The following CSMD1 variants were observed in gnomAD, a reference collection of about 807,000 sequenced individuals.
CSMD1 encodes the protein CUB and Sushi multiple domains 1, also known as CUB and sushi domain-containing protein 1.
A neutral mutation model predicts 417.5 loss-of-function variants in CSMD1; 213 were observed. The ratio of observed to expected loss-of-function variants is 0.51; its 90% CI spans 0.46 to 0.57. The LOEUF (loss-of-function observed/expected upper bound fraction) is 0.57. Among genes scored for constraint, CSMD1 ranks in the 20% least tolerant of loss-of-function variants. The probability of loss-of-function intolerance (pLI) is 0.00; values close to 1 mark genes in which losing one functional copy is unlikely to be tolerated. For synonymous variants in CSMD1, 2,862 were observed against 1,736.8 expected (o/e 1.65, Z -16.11); for missense variants, 6,923 against 4,529.7 (o/e 1.53, Z -15.17).
chr8:4,225,505 T>TC (rs1453349644), intron 3 of CSMD1, among the ~76,000 whole-genome samples: 1 of 46,752 alleles, frequency 2.1e-5, no homozygotes, highest in East Asian at 3.5e-4. Flanking sequence ...ACTCATCACT[T>TC]TTTTTTTTTT....
chr8:3,502,146 C>T (rs147915888), intron 10 of CSMD1, among the ~76,000 whole-genome samples: 3,124 of 152,036 alleles, frequency 0.021, 101 homozygotes, highest in African/African-American at 0.072. Context: ...TGGCAGATCA[C>T]GAGGTCAGGA....
At chr8:4,141,762 C>T (rs563174630) in intron 3 of CSMD1, among the ~76,000 whole-genome samples, 1 of 150,994 alleles carries the variant, frequency 6.6e-6, no homozygotes, top group Admixed American at 6.6e-5. Context: ...CCCATGCCAT[C>T]GACAATACAC....
chr8:4,388,319 C>T (rs1000485333), intron 3 of CSMD1, among the ~76,000 whole-genome samples: 3 of 75,942 alleles, frequency 4.0e-5, no homozygotes, highest in African/African-American at 2.6e-4. Context: ...CACACACACA[C>T]AGACACACAC....
intron 2 of CSMD1, among the ~76,000 whole-genome samples, chr8:4,578,319 C>G (rs753154794): frequency 8.2e-6 from 1 of 122,438 alleles, no homozygotes; most frequent in African/African-American, 3.6e-5. Context: ...GCACCTGCCA[C>G]GACACCCGGC....
intron 7 of CSMD1, among the ~76,000 whole-genome samples, chr8:3,659,439 A>G (rs984126563): frequency 7.2e-5 from 11 of 152,186 alleles, no homozygotes; most frequent in Admixed American, 2.6e-4. Flanking sequence ...ATTATCTGAG[A>G]CACTACTTAG....
At chr8:4,011,518 C>G (rs1448223929) in intron 4 of CSMD1, among the ~76,000 whole-genome samples, 3 of 152,144 alleles carry the variant, frequency 2.0e-5, no homozygotes, top group Non-Finnish European at 4.4e-5. Flanking sequence ...GTTTCACCCT[C>G]CTGGGTTTCC....
chr8:3,149,948 T>C (rs1245525237), intron 40 of CSMD1, among the ~76,000 whole-genome samples: 1 of 152,188 alleles, frequency 6.6e-6, no homozygotes, highest in Non-Finnish European at 1.5e-5. Context: ...TTAAGAGCGC[T>C]AGTGCTGTGT....
chr8:4,183,050 G>A (rs1361923891), intron 3 of CSMD1, among the ~76,000 whole-genome samples: 2 of 152,138 alleles, frequency 1.3e-5, no homozygotes, highest in African/African-American at 2.4e-5. Context: ...TGTGTTATAT[G>A]CACAGATACC....
chr8:3,393,768 T>G (rs1021414898), intron 17 of CSMD1, among the ~76,000 whole-genome samples: 4 of 151,204 alleles, frequency 2.6e-5, no homozygotes, highest in African/African-American at 9.7e-5. Flanking sequence ...ATGTTCTCAC[T>G]CATAGGTGGG....
At chr8:3,080,647 G>C (rs904338159) in intron 49 of CSMD1, among the ~76,000 whole-genome samples, 3 of 152,130 alleles carry the variant, frequency 2.0e-5, no homozygotes, top group Non-Finnish European at 4.4e-5. Context: ...ATTCGGGATG[G>C]GTTTGGAGTG....
chr8:3,838,950 A>C (rs1235429730), intron 5 of CSMD1, among the ~76,000 whole-genome samples: 2 of 111,896 alleles, frequency 1.8e-5, no homozygotes, highest in Non-Finnish European at 3.4e-5. Context: ...TAAAAAATTA[A>C]TATCTATAAA....
At chr8:4,402,029 G>A (rs1187309589) in intron 3 of CSMD1, among the ~76,000 whole-genome samples, 1 of 152,026 alleles carries the variant, frequency 6.6e-6, no homozygotes, top group Non-Finnish European at 1.5e-5. Context: ...TATAATTCGT[G>A]GTGACTTCAC....
intron 5 of CSMD1, among the ~76,000 whole-genome samples, chr8:3,918,254 T>C (rs967840457): frequency 1.3e-5 from 2 of 152,082 alleles, no homozygotes; most frequent in African/African-American, 4.8e-5. Flanking sequence ...TTTGTTGTTG[T>C]TGTTGTTGTT....
chr8:3,634,730 A>G (rs934589498), intron 7 of CSMD1, among the ~76,000 whole-genome samples: 5 of 152,144 alleles, frequency 3.3e-5, no homozygotes, highest in African/African-American at 1.2e-4. Flanking sequence ...GCCTTTCTGG[A>G]TTGAGCCATG....
intron 3 of CSMD1, among the ~76,000 whole-genome samples, chr8:4,139,435 G>C (rs76019810): frequency 0.31 from 45,251 of 144,928 alleles, 8,423 homozygotes; most frequent in Non-Finnish European, 0.39. Context: ...AAGAACGAAG[G>C]AAGACTCTAT....
chr8:4,802,701 C>A (rs1274856152), intron 1 of CSMD1, among the ~76,000 whole-genome samples: 1 of 152,006 alleles, frequency 6.6e-6, no homozygotes, highest in Non-Finnish European at 1.5e-5. Flanking sequence ...GCTTTGTTTT[C>A]TTGTTTTGAT....
intron 54 of CSMD1, among the ~76,000 whole-genome samples, chr8:2,993,117 T>C (rs1162281390): frequency 2.0e-5 from 3 of 152,174 alleles, no homozygotes; most frequent in East Asian, 1.9e-4. Flanking sequence ...TACTTGTGAA[T>C]CCCAAAGCAG....
chr8:3,000,561 T>G (rs1807312152), intron 52 of CSMD1, among the ~76,000 whole-genome samples: 1 of 152,210 alleles, frequency 6.6e-6, no homozygotes, highest in South Asian at 2.1e-4. Flanking sequence ...TCAGATAGAC[T>G]AGATAATCAA....
chr8:4,709,235 T>G (rs1166301547), intron 1 of CSMD1, among the ~76,000 whole-genome samples: 1 of 152,164 alleles, frequency 6.6e-6, no homozygotes, highest in Non-Finnish European at 1.5e-5. Flanking sequence ...CAGGCTACTC[T>G]TGTAGACTGG....
Sources: allele counts gnomAD v4.1 joint callset (sites outside exome capture counted in the v4.1 genomes callset), GRCh38; gene constraint gnomAD v4.1.1; transcripts MANE v1.5; gene names NCBI Gene and HGNC (gene_info 2026-07-23, HGNC 2026-07-21).